Variants in ADGRB3 observed in about 807,000 individuals in gnomAD.
The protein encoded by ADGRB3 is brain-specific angiogenesis inhibitor 3.
Under a neutral mutation model 193.4 loss-of-function variants are expected in ADGRB3, and 37 were observed. The observed-to-expected ratio is 0.19, with a 90% CI of 0.15 to 0.25. The LOEUF is 0.25. Among genes scored for constraint, ADGRB3 ranks in the 10% least tolerant of loss-of-function variants. ADGRB3 has a pLI of 1.00. For synonymous variants in ADGRB3, 690 were observed against 644.2 expected, an observed-to-expected ratio of 1.07 and a Z score of -1.08; for missense variants, 1,637 against 1,852.9, an observed-to-expected ratio of 0.88 and a Z score of 2.14.
chr6:69,258,581 C>A (rs1488959453), intron 20 of ADGRB3, among the ~76,000 whole-genome samples: 1 of 152,204 alleles, frequency 6.6e-6, no homozygotes, highest in Admixed American at 6.5e-5. Flanking sequence ...TTTCTAATGA[C>A]AAAATGGTGT....
chr6:68,899,262 A>G (rs1016155913), intron 3 of ADGRB3, among the ~76,000 whole-genome samples: 3 of 152,186 alleles, frequency 2.0e-5, no homozygotes, highest in African/African-American at 4.8e-5. Context: ...TTTGACAGCT[A>G]GAACTATTTC....
At chr6:68,910,843 G>T (rs1766683473) in intron 3 of ADGRB3, among the ~76,000 whole-genome samples, 1 of 152,164 alleles carries the variant, frequency 6.6e-6, no homozygotes, top group South Asian at 2.1e-4. Context: ...GTAGCGTGAT[G>T]CCTCCAGCTT....
chr6:69,257,541 T>C (rs1363677735), intron 20 of ADGRB3, among the ~76,000 whole-genome samples: 1 of 152,176 alleles, frequency 6.6e-6, no homozygotes. Context: ...CTGTATTTCC[T>C]GTAAATAAAA....
intron 15 of ADGRB3, among the ~76,000 whole-genome samples, chr6:69,050,324 T>C (rs1771357365): frequency 1.3e-5 from 2 of 152,172 alleles, no homozygotes; most frequent in African/African-American, 4.8e-5. Flanking sequence ...TGGAGAGTCA[T>C]CCAGAGCCCC....
At chr6:68,668,251 G>GA (rs1179635045) in intron 3 of ADGRB3, among the ~76,000 whole-genome samples, 3 of 151,942 alleles carry the variant, frequency 2.0e-5, no homozygotes, top group Admixed American at 6.6e-5. Context: ...CTTTATGGCA[G>GA]AAAAAACATC....
At chr6:69,075,891 C>G in intron 16 of ADGRB3, 104 bp from the exon 17 acceptor site, 1 of 858,040 alleles carries the variant, frequency 1.2e-6, no homozygotes, top group Non-Finnish European at 1.8e-6. Flanking sequence ...TATTTCTTAC[C>G]ACAAGATAAG....
chr6:68,845,220 T>C (rs376138939), intron 3 of ADGRB3, among the ~76,000 whole-genome samples: 6 of 152,164 alleles, frequency 3.9e-5, no homozygotes, highest in African/African-American at 1.2e-4. Context: ...CTCATGTTCC[T>C]CATAAATATA....
chr6:69,085,128 C>T (rs1438670891), intron 17 of ADGRB3, among the ~76,000 whole-genome samples: 1 of 152,080 alleles, frequency 6.6e-6, no homozygotes, highest in Non-Finnish European at 1.5e-5. Context: ...AAGATTCCTA[C>T]GTGTCATAGG....
chr6:69,347,298 T>C (rs1292705413), intron 26 of ADGRB3, among the ~76,000 whole-genome samples: 5 of 152,124 alleles, frequency 3.3e-5, no homozygotes, highest in Non-Finnish European at 7.4e-5. Flanking sequence ...ATGGCACATG[T>C]ATACCTATGT....
At chr6:68,894,795 A>G (rs955659193) in intron 3 of ADGRB3, among the ~76,000 whole-genome samples, 1 of 151,986 alleles carries the variant, frequency 6.6e-6, no homozygotes, top group African/African-American at 2.4e-5. Flanking sequence ...TTCACTTAAA[A>G]TCATGAGTTA....
At chr6:68,637,734 A>G (rs1204348782) in intron 2 of ADGRB3, among the ~76,000 whole-genome samples, 172 bp downstream of exon 2, 1 of 152,152 alleles carries the variant, frequency 6.6e-6, no homozygotes, top group Admixed American at 6.5e-5. Context: ...TAAGCCTTAA[A>G]TTACAGTTGA....
At chr6:68,740,900 G>T (rs1765967786) in intron 3 of ADGRB3, among the ~76,000 whole-genome samples, 1 of 152,062 alleles carries the variant, frequency 6.6e-6, no homozygotes, top group South Asian at 2.1e-4. Context: ...GTGTTGATAG[G>T]CCATGTCAGT....
chr6:68,996,300 A>C (rs1018409471), intron 11 of ADGRB3, among the ~76,000 whole-genome samples: 5 of 152,104 alleles, frequency 3.3e-5, no homozygotes, highest in Middle Eastern at 3.4e-3. Context: ...ACCTCAGCCT[A>C]CATGATTTCT....
intron 13 of ADGRB3, among the ~76,000 whole-genome samples, chr6:69,045,317 G>A (rs1222695162): frequency 6.6e-6 from 1 of 152,080 alleles, no homozygotes; most frequent in East Asian, 1.9e-4. Flanking sequence ...TGCTATTTTA[G>A]ACATCTGCCT....
chr6:68,705,063 TG>T (rs1387511687), intron 3 of ADGRB3, among the ~76,000 whole-genome samples: 4 of 152,240 alleles, frequency 2.6e-5, no homozygotes, highest in Non-Finnish European at 5.9e-5. Context: ...CACAGATTTT[TG>T]TTTTTCTAGA....
At chr6:68,890,400 C>T (rs1316189908) in intron 3 of ADGRB3, among the ~76,000 whole-genome samples, 1 of 152,172 alleles carries the variant, frequency 6.6e-6, no homozygotes, top group Non-Finnish European at 1.5e-5. Context: ...GACTGAAGAC[C>T]TCTGTCCCAA....
chr6:69,083,709 G>A (rs1009359100), intron 17 of ADGRB3, among the ~76,000 whole-genome samples: 3 of 150,990 alleles, frequency 2.0e-5, no homozygotes, highest in Non-Finnish European at 4.4e-5. Context: ...AGCAAGCATC[G>A]AAAATGTGTA....
At chr6:68,655,335 G>T (rs1350113592) in intron 3 of ADGRB3, among the ~76,000 whole-genome samples, 4 of 151,516 alleles carry the variant, frequency 2.6e-5, no homozygotes, top group Non-Finnish European at 5.9e-5. Flanking sequence ...TCTGTGAAGT[G>T]GTGATGATTT....
At chr6:68,990,992 C>T (rs541788658) in intron 10 of ADGRB3, among the ~76,000 whole-genome samples, 32 of 152,144 alleles carry the variant, frequency 2.1e-4, no homozygotes, top group African/African-American at 7.7e-4. Context: ...CTTTCCTCAC[C>T]CTTCATGCAT....
Sources: gnomAD v4.1 joint callset for allele counts (sites outside exome capture counted in the v4.1 genomes callset) on GRCh38, gnomAD v4.1.1 for gene constraint, MANE v1.5 for transcripts, NCBI Gene and HGNC (gene_info 2026-07-23, HGNC 2026-07-21) for gene names.